APTX: variants seen among roughly 807,000 people sequenced by gnomAD.
The protein encoded by APTX is aprataxin.
Under a neutral mutation model 42.3 loss-of-function variants are expected in APTX, and 33 were observed. The ratio of observed to expected loss-of-function variants is 0.78; its 90% CI spans 0.59 to 1.04. APTX has a LOEUF of 1.04. Among genes scored for constraint, APTX ranks in the 50% least tolerant of loss-of-function variants. The pLI is 0.00. For synonymous variants in APTX, 130 were observed against 146.7 expected (o/e 0.89, Z 0.82); for missense variants, 421 against 415.1 (o/e 1.01, Z -0.12).
In APTX at chr9:32,984,798, A is replaced by C; in HGVS notation, c.603T>G (p.His201Gln). Residue 201 changes from histidine to glutamine, a missense_variant, in exon 6 of 8, where the codon CAT becomes CAG. His to Gln is a conservative substitution (Grantham distance 24). Coordinates refer to ENST00000379817, the MANE Select transcript of APTX (RefSeq NM_001195248.2). ...TGGAGGTCCACGGTAAGACCAGCCA[A>C]TGGTAACGGGCCTTTGGGTATTTAT... is the stretch of plus-strand genomic sequence containing the variant. ...IKDKYPKARYHWLVLPWTSIS... is the reference protein window; with the variant it reads ...IKDKYPKARYQWLVLPWTSIS... 1 of 1,614,204 alleles carries C rather than the reference A, an allele frequency of 6.2e-7. No individual in the cohort carries two copies. The highest frequency in any genetic ancestry group is 1.1e-5 in the South Asian group (1 of 91,086).
Position 32,973,217 on chromosome 9 carries a change from G to T in APTX, c.*281C>A. 3.7e-6 allele frequency: 2 copies of T among 547,518 alleles called. No homozygotes were observed. Among genetic ancestry groups the T allele is most frequent in the South Asian group, 3.1e-5 (2 of 65,316 alleles). 33.9% of individuals were successfully genotyped at this position (547,518 alleles called of 1,614,324 possible). A position where few individuals can be genotyped will look rare whatever the true frequency, so the allele number is the denominator to read the frequency against. ...ATTAGGTCAGTGTGAACATGGCTTT[G>T]CTCCCAATGGTCAGACCTGACATGG... On this transcript the variant is annotated 3_prime_UTR_variant, in exon 8 of 8. Transcript: ENST00000379817.
At chr9:33,018,196 T>C (rs773490114) in intron 1 of APTX, among the ~76,000 whole-genome samples, 51 of 151,082 alleles carry the variant, frequency 3.4e-4, no homozygotes, top group Non-Finnish European at 5.9e-4. Flanking sequence ...CTGCAACCTC[T>C]GCCTGCTGGG....
intron 1 of APTX, chr9:33,020,069 T>C: frequency 2.5e-6 from 1 of 392,242 alleles, no homozygotes; most frequent in East Asian, 3.6e-5. Context: ...CCGGGGCAGC[T>C]GTGATCACCC....
At chr9:32,984,233 T>C (rs1048460522) in intron 6 of APTX, among the ~76,000 whole-genome samples, 2 of 152,206 alleles carry the variant, frequency 1.3e-5, no homozygotes, top group African/African-American at 4.8e-5. Context: ...TACGCTGTCA[T>C]TACAGAAGTC....
chr9:33,015,494 G>T (rs1837834445), intron 1 of APTX, among the ~76,000 whole-genome samples: 1 of 152,132 alleles, frequency 6.6e-6, no homozygotes, highest in South Asian at 2.1e-4. Context: ...GAGTAGCTGG[G>T]ATTACAGCCG....
At chr9:32,999,941 C>CACAG (rs1554672251) in intron 1 of APTX, among the ~76,000 whole-genome samples, 1 of 152,116 alleles carries the variant, frequency 6.6e-6, no homozygotes, top group Non-Finnish European at 1.5e-5. Flanking sequence ...GCCTGGGCGA[C>CACAG]AGAGACTCCG....
Position 32,989,784 on chromosome 9 carries a change from A to C in APTX, c.108T>G (p.Thr36=), listed in dbSNP as rs149686710. The change falls in exon 2 of 8, where the codon ACT becomes ACG. Residue 36 remains threonine (T), a synonymous_variant. Transcript: ENST00000379817. ...CTTGCTGTCGAGAACATTTCTTATC[A>C]GTGATCTTGGTCTCTGGGCCACGCC... ...VIGRGPETKI[T]DKKCSRQQVQ... is the part of the protein sequence containing the mutation. The C allele has an allele frequency of 6.2e-6, 10 of 1,614,134 alleles. No homozygotes were observed. In the African/African-American group the frequency reaches 1.3e-4, roughly 22 times the overall value.
At chr9:33,000,509 T>TGG (rs1227983930) in intron 1 of APTX, among the ~76,000 whole-genome samples, 1 of 150,222 alleles carries the variant, frequency 6.7e-6, no homozygotes, top group Non-Finnish European at 1.5e-5. Context: ...ACGCCTGTAA[T>TGG]CCCAGCTCCT....
chr9:33,004,543 TCA>T (rs1242078477), upstream of APTX, among the ~76,000 whole-genome samples: 1 of 152,152 alleles, frequency 6.6e-6, no homozygotes, highest in South Asian at 2.1e-4. Context: ...TGAGGAACTG[TCA>T]CACTGTTTTC....
intron 6 of APTX, among the ~76,000 whole-genome samples, chr9:32,977,959 A>G (rs575811813): frequency 6.6e-6 from 1 of 152,370 alleles, no homozygotes; most frequent in African/African-American, 2.4e-5. Flanking sequence ...TGTTGCTTTA[A>G]AAATCTAATT....
intron 1 of APTX, among the ~76,000 whole-genome samples, chr9:32,991,755 C>T (rs1323396991): frequency 1.4e-5 from 2 of 145,806 alleles, no homozygotes; most frequent in East Asian, 2.0e-4. Context: ...CCAGCCTGGG[C>T]GATAGGGCAA....
intron 1 of APTX, among the ~76,000 whole-genome samples, chr9:33,023,686 G>T (rs1423586865): frequency 6.6e-6 from 1 of 152,252 alleles, no homozygotes; most frequent in Non-Finnish European, 1.5e-5. Flanking sequence ...CAATGCAAAA[G>T]CATACAAAGG....
Position 32,977,585 on chromosome 9 carries a change from CT to C in APTX, c.771-3025del, listed in dbSNP as rs1340010287. Among the ~76,000 whole-genome samples the C allele has an allele frequency of 2.4e-4, 37 of 151,880 alleles. No individual in the cohort carries two copies. In the East Asian group the frequency reaches 7.0e-3, roughly 29 times the overall value. Reference sequence around the variant, plus strand: ...GTGGCTCACACCTGTAATCCCAGTACTTTGGGGGGCCAAGGCAGGTGGATCA... The same window carrying C: ...GTGGCTCACACCTGTAATCCCAGTACTTGGGGGGCCAAGGCAGGTGGATCA... On this transcript the variant is annotated intron_variant, in intron 6 of 7. Transcript: ENST00000379817.
At chr9:33,006,591 T>C (rs1239206277), upstream of APTX, among the ~76,000 whole-genome samples, 1 of 152,080 alleles carries the variant, frequency 6.6e-6, no homozygotes, top group Non-Finnish European at 1.5e-5. Flanking sequence ...AATATGAAAT[T>C]CTGAGAGAGA....
chr9:32,982,942 T>C (rs1831030960), intron 6 of APTX, among the ~76,000 whole-genome samples: 1 of 150,392 alleles, frequency 6.6e-6, no homozygotes, highest in African/African-American at 2.5e-5. Flanking sequence ...TATTTATTCT[T>C]TTTTTTTCTT....
chr9:33,007,018 A>G (rs1248534465), intron 1 of APTX, among the ~76,000 whole-genome samples: 3 of 148,952 alleles, frequency 2.0e-5, no homozygotes, highest in South Asian at 2.1e-4. Flanking sequence ...AAAAAAAAAA[A>G]AAAAAGAAAG....
rs1448609354 is a variant in APTX, at chr9:32,976,459, A to C, written c.771-1898T>G. On this transcript the variant is annotated intron_variant, in intron 6 of 7. Transcript: ENST00000379817. ...CACTCACACATGATGAATTACATGA[A>C]TAGAAAGTCACCAAATAAGACTCAA... 2.0e-5 allele frequency among the ~76,000 whole-genome samples: 3 copies of C among 152,228 alleles called. No individual in the cohort carries two copies. In the East Asian group the frequency reaches 5.8e-4, roughly 29 times the overall value.
chr9:33,005,966 T>C (rs1837104443), upstream of APTX, among the ~76,000 whole-genome samples: 1 of 152,260 alleles, frequency 6.6e-6, no homozygotes, highest in Non-Finnish European at 1.5e-5. Flanking sequence ...TGCACTGTTT[T>C]GATTACTATA....
chr9:32,983,078 G>A (rs1468409811), intron 6 of APTX, among the ~76,000 whole-genome samples: 1 of 151,930 alleles, frequency 6.6e-6, no homozygotes, highest in Non-Finnish European at 1.5e-5. Context: ...CCAAGTAGCA[G>A]GTGTGCACCA....
Sources: allele counts gnomAD v4.1 joint callset (sites outside exome capture counted in the v4.1 genomes callset), GRCh38; gene constraint gnomAD v4.1.1; transcripts MANE v1.5; gene names NCBI Gene and HGNC (gene_info 2026-07-23, HGNC 2026-07-21).